The following RPS6KL1 variants were observed in gnomAD, a reference collection of about 807,000 sequenced individuals.
RPS6KL1 encodes the protein ribosomal protein S6 kinase like 1, also known as ribosomal protein S6 kinase-like 1.
In RPS6KL1, 41 loss-of-function variants were observed where a neutral mutation model predicts 57.0. That is an observed-to-expected ratio of 0.72 (90% CI 0.56 to 0.93). The LOEUF is 0.93. Ranked by LOEUF, RPS6KL1 falls within the 40% of genes least tolerant of loss-of-function variation. The probability of loss-of-function intolerance (pLI) is 0.00; values close to 1 mark genes in which losing one functional copy is unlikely to be tolerated. For synonymous variants in RPS6KL1, 287 were observed against 309.7 expected (o/e 0.93, Z 0.77); for missense variants, 697 against 727.7 (o/e 0.96, Z 0.49).
At chr14:74,912,662 A>G (rs906423385) in intron 5 of RPS6KL1, among the ~76,000 whole-genome samples, 1 of 149,978 alleles carries the variant, frequency 6.7e-6, no homozygotes, top group East Asian at 2.0e-4. Flanking sequence ...TTCCCACTCC[A>G]CTCCACCCCC....
chr14:74,922,293 C>A lies in RPS6KL1; in HGVS notation c.-336G>T, dbSNP rs868250189. 8 of 986,296 alleles carry A rather than the reference C, an allele frequency of 8.1e-6. No individual in the cohort carries two copies. Among genetic ancestry groups the A allele is most frequent in the Middle Eastern group, 5.2e-4 (1 of 1,918 alleles). 61.1% of individuals were successfully genotyped at this position (986,296 alleles called of 1,614,324 possible). A position where few individuals can be genotyped will look rare whatever the true frequency, so the allele number is the denominator to read the frequency against. ...GCTGTTCCTCATGCTGTTCCCTCCACCCTGCCTGTTGTCTCCTCCCTGCTC... is the reference window on the plus strand; with the variant it reads ...GCTGTTCCTCATGCTGTTCCCTCCAACCTGCCTGTTGTCTCCTCCCTGCTC... On this transcript the variant is annotated 5_prime_UTR_variant, in exon 2 of 12. Transcript: ENST00000557413.
intron 8 of RPS6KL1, 21 bp downstream of exon 8, chr14:74,909,520 TGA>T (rs758348241): frequency 1.3e-6 from 2 of 1,565,904 alleles, no homozygotes; most frequent in Non-Finnish European, 1.7e-6. Context: ...GCCACCCCAC[TGA>T]GGGGTGAGGA....
chr14:74,922,912 G>A (rs572386398), intron 1 of RPS6KL1, among the ~76,000 whole-genome samples: 1 of 152,332 alleles, frequency 6.6e-6, no homozygotes, highest in East Asian at 1.9e-4. Context: ...GGCAGAGGGA[G>A]GCCGCACCAT....
intron 1 of RPS6KL1, among the ~76,000 whole-genome samples, chr14:74,922,830 C>T (rs376026506): frequency 3.9e-4 from 59 of 152,288 alleles, no homozygotes; most frequent in African/African-American, 1.3e-3. Flanking sequence ...GCAGGATGGG[C>T]GGTGGGGCGG....
chr14:74,920,180 G>T (rs1250227824), intron 3 of RPS6KL1, among the ~76,000 whole-genome samples: 1 of 152,214 alleles, frequency 6.6e-6, no homozygotes, highest in Non-Finnish European at 1.5e-5. Context: ...GCAGGAGGAG[G>T]TTAGGAACCA....
At chr14:74,921,238 T>TTCCCCCCCCCCCCCCCCCCCCCC in intron 3 of RPS6KL1, 39 bp downstream of exon 3, 2 of 840,030 alleles carry the variant, frequency 2.4e-6, no homozygotes, top group East Asian at 2.6e-5. Context: ...CACTGGCCCT[T>TTCCCCCCCCCCCCCCCCCCCCCC]CCCCACCCAC....
At position 74,906,479 on chromosome 14, in the gene RPS6KL1, C is replaced by T. The variant is rs1884878178; in HGVS notation, c.*535G>A. On this transcript the variant is annotated 3_prime_UTR_variant, in exon 12 of 12. Transcript: ENST00000557413. Reference sequence around the variant, plus strand: ...CCCTGCACAACAGATGGCATCCCTGCTTCTGGGCCTCCCCAGCTGCACGAA... The same window carrying T: ...CCCTGCACAACAGATGGCATCCCTGTTTCTGGGCCTCCCCAGCTGCACGAA... 6.5e-6 allele frequency: 3 copies of T among 459,170 alleles called. No individual in the cohort carries two copies. The highest frequency in any genetic ancestry group is 7.4e-4 in the Middle Eastern group (2 of 2,712). 28.4% of individuals were successfully genotyped at this position (459,170 alleles called of 1,614,324 possible).
intron 7 of RPS6KL1, 21 bp from the exon 8 acceptor site, chr14:74,910,169 G>C (rs201825445): frequency 6.7e-7 from 1 of 1,501,276 alleles, no homozygotes; most frequent in Non-Finnish European, 8.8e-7. Context: ...CAGAGGGAGC[G>C]GTGAGCGTGG....
In RPS6KL1 at chr14:74,909,596, T is replaced by C. The variant is rs770140354; in HGVS notation, c.1217A>G (p.Gln406Arg). Residue 406 changes from glutamine (Q) to arginine (R), a missense_variant, in exon 8 of 12, where the codon CAG becomes CGG. Gln to Arg is a conservative substitution (Grantham distance 43). Coordinates refer to ENST00000557413, the MANE Select transcript of RPS6KL1 (RefSeq NM_031464.5). ...MLVALEALHE[Q>R]GVLCRDLHPG... ...GTGGAGGTCCCGGCACAGCACCCCC[T>C]GCTCGTGCAGCGCCTCCAGCGCTAC... The C allele has an allele frequency of 1.2e-6, 2 of 1,612,550 alleles. No homozygotes were observed. The highest frequency in any genetic ancestry group is 8.5e-7 in the Non-Finnish European group (1 of 1,179,888).
chr14:74,911,582 CATGTGTGTTTGTGTGTATGTGT>C, intron 6 of RPS6KL1, 190 bp downstream of exon 6: 1 of 663,900 alleles, frequency 1.5e-6, no homozygotes. Flanking sequence ...AGTGTGTGTG[CATGTGTGTTTGTGTGTATGTGT>C]ATGTGTATGT....
At chr14:74,918,791 C>G (rs1887295875) in intron 4 of RPS6KL1, among the ~76,000 whole-genome samples, 186 bp from the exon 5 acceptor site, 1 of 152,214 alleles carries the variant, frequency 6.6e-6, no homozygotes, top group African/African-American at 2.4e-5. Flanking sequence ...CCGATAGGCA[C>G]CCATACTGGT....
rs1566805853 is a variant in RPS6KL1, at chr14:74,906,417, T to TGGGG, written c.*593_*596dup. The TGGGG allele has an allele frequency of 6.3e-6, 1 of 159,826 alleles. No individual in the cohort carries two copies. The highest frequency in any genetic ancestry group is 9.7e-5 in the African/African-American group (1 of 10,356). 9.9% of individuals were successfully genotyped at this position (159,826 alleles called of 1,614,324 possible). ...TGGTCAGGAATCGGGGGTGGGGGGG[T>TGGGG]GGGGGTGGGGGTCATCCTGTCCCCT... On this transcript the variant is annotated 3_prime_UTR_variant, in exon 12 of 12. Coordinates refer to ENST00000557413, the MANE Select transcript of RPS6KL1 (RefSeq NM_031464.5).
At chr14:74,911,919 A>G (rs1410706698) in intron 5 of RPS6KL1, 78 bp from the exon 6 acceptor site, 2 of 1,270,222 alleles carry the variant, frequency 1.6e-6, no homozygotes, top group Non-Finnish European at 2.2e-6. Context: ...ACCCCCTCCC[A>G]GGTTCCTCCA....
chr14:74,922,881 C>CCGGCCAGGATG (rs1228224893), intron 1 of RPS6KL1, among the ~76,000 whole-genome samples: 6 of 152,218 alleles, frequency 3.9e-5, no homozygotes, highest in African/African-American at 1.4e-4. Flanking sequence ...GAGCTGAATC[C>CCGGCCAGGATG]CGGCCAGGAT....
At chr14:74,919,245 C>T (rs1887376608) in intron 4 of RPS6KL1, among the ~76,000 whole-genome samples, 1 of 152,196 alleles carries the variant, frequency 6.6e-6, no homozygotes. Context: ...AGGGAACGTG[C>T]CTTGAAGACC....
At chr14:74,920,062 G>C in intron 3 of RPS6KL1, 93 bp from the exon 4 acceptor site, 6 of 1,497,594 alleles carry the variant, frequency 4.0e-6, no homozygotes, top group Non-Finnish European at 5.5e-6. Context: ...CTCCCAAGGA[G>C]TGAGCTCCTG....
intron 5 of RPS6KL1, among the ~76,000 whole-genome samples, chr14:74,915,248 T>A (rs569190026): frequency 1.3e-5 from 2 of 152,314 alleles, no homozygotes; most frequent in Admixed American, 6.5e-5. Flanking sequence ...TAGTGACTAC[T>A]GTGTTGAACA....
At chr14:74,907,328 A>G (rs1397481994) in intron 11 of RPS6KL1, 107 bp downstream of exon 11, 3 of 1,490,052 alleles carry the variant, frequency 2.0e-6, no homozygotes, top group Admixed American at 4.2e-5. Context: ...CTGCACCCAC[A>G]TCAGACACTG....
intron 5 of RPS6KL1, among the ~76,000 whole-genome samples, chr14:74,915,583 A>T (rs1490805317): frequency 6.6e-6 from 1 of 152,166 alleles, no homozygotes; most frequent in African/African-American, 2.4e-5. Flanking sequence ...TCTTAAACTC[A>T]AAGGTCCACA....
Sources: gnomAD v4.1 joint callset for allele counts (sites outside exome capture counted in the v4.1 genomes callset) on GRCh38, gnomAD v4.1.1 for gene constraint, MANE v1.5 for transcripts, NCBI Gene and HGNC (gene_info 2026-07-23, HGNC 2026-07-21) for gene names.